AUTS2: variants seen among roughly 807,000 people sequenced by gnomAD.
The protein encoded by AUTS2 is activator of transcription and developmental regulator AUTS2.
AUTS2 carries 17 observed loss-of-function variants against 112.4 expected under a neutral mutation model. That is an observed-to-expected ratio of 0.15 (90% CI 0.10 to 0.23). The LOEUF (loss-of-function observed/expected upper bound fraction) is 0.23. Ranked by LOEUF, AUTS2 falls within the 10% of genes least tolerant of loss-of-function variation. The pLI is 1.00. For missense variants in AUTS2, 1,510 were observed against 1,701.6 expected (o/e 0.89, Z 1.98); for synonymous variants, 751 against 702.7 (o/e 1.07, Z -1.09).
intron 1 of AUTS2, among the ~76,000 whole-genome samples, chr7:69,649,973 A>G (rs1795219592): frequency 1.3e-5 from 2 of 152,204 alleles, no homozygotes; most frequent in South Asian, 4.1e-4. Flanking sequence ...TTCCTTCCCC[A>G]CACAGTCTTA....
intron 5 of AUTS2, among the ~76,000 whole-genome samples, chr7:70,582,947 C>T (rs570713027): frequency 1.8e-4 from 28 of 152,270 alleles, no homozygotes; most frequent in African/African-American, 6.3e-4. Flanking sequence ...TGGCTTTTCC[C>T]CCCAAACTTC....
intron 2 of AUTS2, among the ~76,000 whole-genome samples, chr7:70,076,375 CT>C (rs1285149049): frequency 1.3e-5 from 2 of 152,106 alleles, no homozygotes; most frequent in Non-Finnish European, 2.9e-5. Flanking sequence ...TGAAACTAAT[CT>C]TTTTTTCTCA....
intron 5 of AUTS2, among the ~76,000 whole-genome samples, chr7:70,647,114 G>A (rs890527266): frequency 1.1e-4 from 17 of 152,272 alleles, no homozygotes; most frequent in African/African-American, 3.6e-4. Flanking sequence ...GATTGGATCC[G>A]CTCACTGTTG....
intron 2 of AUTS2, among the ~76,000 whole-genome samples, chr7:69,947,439 A>G (rs1483763981): frequency 6.6e-6 from 1 of 152,212 alleles, no homozygotes; most frequent in African/African-American, 2.4e-5. Flanking sequence ...ATCTTGATTG[A>G]GATAGATCGT....
intron 5 of AUTS2, among the ~76,000 whole-genome samples, chr7:70,507,790 C>T (rs1799024253): frequency 6.6e-6 from 1 of 152,110 alleles, no homozygotes; most frequent in African/African-American, 2.4e-5. Context: ...GAGCAAGACT[C>T]TGTCTCAAAA....
At chr7:70,755,210 G>A (rs1232438798) in intron 6 of AUTS2, among the ~76,000 whole-genome samples, 1 of 152,024 alleles carries the variant, frequency 6.6e-6, no homozygotes, top group East Asian at 1.9e-4. Context: ...TGAGTTTGAG[G>A]CTGCAATGGG....
rs531087838 is a variant in AUTS2 at position 70,381,328 on chromosome 7, A to G, written c.661-54424A>G. Among the ~76,000 whole-genome samples the G allele has an allele frequency of 1.1e-4, 17 of 152,358 alleles. No homozygotes were observed. The South Asian group carries it at 3.3e-3, about 30-fold the overall frequency. On this transcript the variant is annotated intron_variant, in intron 4 of 18. Transcript: ENST00000342771. The stretch of plus-strand genomic sequence containing the variant: ...GTCTTATATCTTGATTGGAAGGTAG[A>G]TAACACAGTACATACATTTGTCAAA...
At chr7:70,073,400 A>G (rs1033787886) in intron 2 of AUTS2, among the ~76,000 whole-genome samples, 5 of 151,288 alleles carry the variant, frequency 3.3e-5, no homozygotes, top group African/African-American at 1.2e-4. Flanking sequence ...AATCCCAGCT[A>G]CTCGGGGGGC....
intron 1 of AUTS2, among the ~76,000 whole-genome samples, chr7:69,885,142 T>C (rs1794218617): frequency 6.6e-6 from 1 of 152,216 alleles, no homozygotes; most frequent in South Asian, 2.1e-4. Flanking sequence ...CATGTAGTGA[T>C]AGGTTATTTG....
intron 4 of AUTS2, among the ~76,000 whole-genome samples, chr7:70,379,868 G>T (rs1793289970): frequency 6.6e-6 from 1 of 152,214 alleles, no homozygotes; most frequent in African/African-American, 2.4e-5. Context: ...CAGGAGCTAA[G>T]AATTTTTGGT....
intron 2 of AUTS2, among the ~76,000 whole-genome samples, chr7:69,991,093 G>T (rs980992877): frequency 6.6e-6 from 1 of 152,182 alleles, no homozygotes; most frequent in East Asian, 1.9e-4. Flanking sequence ...TAGTAAAAAT[G>T]AAAGAGAGTC....
chr7:69,818,082 T>C (rs1790838568), intron 1 of AUTS2, among the ~76,000 whole-genome samples: 1 of 152,124 alleles, frequency 6.6e-6, no homozygotes, highest in Non-Finnish European at 1.5e-5. Flanking sequence ...TTGATGTATG[T>C]TGAAAAAAGA....
Position 70,188,773 on chromosome 7 carries a change from T to C in AUTS2, c.660+54202T>C, listed in dbSNP as rs185502935. On this transcript the variant is annotated intron_variant, in intron 4 of 18. Coordinates refer to ENST00000342771, the MANE Select transcript of AUTS2 (RefSeq NM_015570.4). ...TAAATGGGCATCTTGTTTTCTTTTC[T>C]TTCTTTCTTTCTTTTTTTTTTTTTT... Among the ~76,000 whole-genome samples, 63 of 150,300 alleles carry C rather than the reference T, an allele frequency of 4.2e-4. No individual in the cohort carries two copies. In the East Asian group the frequency reaches 0.011, roughly 27 times the overall value.
chr7:70,401,139 A>G (rs1488278518), intron 4 of AUTS2, among the ~76,000 whole-genome samples: 1 of 152,162 alleles, frequency 6.6e-6, no homozygotes, highest in Non-Finnish European at 1.5e-5. Context: ...GGGACTTAAC[A>G]AATAATGTCA....
intron 2 of AUTS2, among the ~76,000 whole-genome samples, chr7:70,073,846 T>C (rs10248401): frequency 0.08 from 12,219 of 152,234 alleles, 632 homozygotes; most frequent in African/African-American, 0.13. Flanking sequence ...TGGGGAAATA[T>C]GTGCTACTAC....
intron 1 of AUTS2, among the ~76,000 whole-genome samples, chr7:69,655,863 A>G (rs943466666): frequency 4.6e-5 from 7 of 152,234 alleles, no homozygotes; most frequent in African/African-American, 1.4e-4. Context: ...TCAATGTTTC[A>G]GTCACCCTCT....
At chr7:69,801,325 T>C (rs1790071931) in intron 1 of AUTS2, among the ~76,000 whole-genome samples, 1 of 151,346 alleles carries the variant, frequency 6.6e-6, no homozygotes, top group East Asian at 1.9e-4. Context: ...AGATGGAAGT[T>C]GATACGATTA....
At chr7:69,862,473 C>T (rs981988428) in intron 1 of AUTS2, among the ~76,000 whole-genome samples, 1 of 152,108 alleles carries the variant, frequency 6.6e-6, no homozygotes, top group African/African-American at 2.4e-5. Context: ...GTTGTAAAAT[C>T]GCCCAGTCAG....
intron 2 of AUTS2, among the ~76,000 whole-genome samples, chr7:70,109,224 A>G (rs1045687327): frequency 6.6e-6 from 1 of 152,220 alleles, no homozygotes; most frequent in Non-Finnish European, 1.5e-5. Context: ...TTCATCCTTG[A>G]AAACCAAATA....
Sources: allele counts gnomAD v4.1 joint callset (sites outside exome capture counted in the v4.1 genomes callset), GRCh38; gene constraint gnomAD v4.1.1; transcripts MANE v1.5; gene names NCBI Gene and HGNC (gene_info 2026-07-23, HGNC 2026-07-21).